The following PSD variants were observed in gnomAD, a reference collection of about 807,000 sequenced individuals.
PSD encodes the protein pleckstrin and Sec7 domain containing.
PSD carries 32 observed loss-of-function variants against 91.6 expected under a neutral mutation model. The ratio of observed to expected loss-of-function variants is 0.35; its 90% CI spans 0.26 to 0.47. The LOEUF (loss-of-function observed/expected upper bound fraction) is 0.47. Among genes scored for constraint, PSD ranks in the 20% least tolerant of loss-of-function variants. PSD has a pLI of 1.00. For synonymous variants in PSD, 532 were observed against 569.3 expected, an observed-to-expected ratio of 0.93 and a Z score of 0.93; for missense variants, 1,099 against 1,373.9, an observed-to-expected ratio of 0.80 and a Z score of 3.16.
chr10:102,417,523 C>G (rs1478710256), intron 1 of PSD, among the ~76,000 whole-genome samples: 1 of 152,046 alleles, frequency 6.6e-6, no homozygotes, highest in African/African-American at 2.4e-5. Flanking sequence ...CCTATAGTCT[C>G]TCTTATGGAG....
chr10:102,419,463 G>C (rs556494056), upstream of PSD: 1 of 152,870 alleles, frequency 6.5e-6, no homozygotes, highest in Non-Finnish European at 1.5e-5. This position sits in a 1 kb window ranked among gnomAD's most constrained non-coding sequence, Gnocchi z 4.8. Context: ...GTGGGGGACC[G>C]GCAACCCTTG....
chr10:102,404,718 C>T lies in PSD; in HGVS notation c.2565G>A (p.Glu855=). 6.4e-7 allele frequency: 1 copy of T among 1,574,390 alleles called. No homozygotes were observed. The highest frequency in any genetic ancestry group is 1.7e-4 in the Middle Eastern group (1 of 5,882). The part of the protein sequence containing the change: ...RVFLFQAPSL[E]QMQSWITRIN... ...TGCGAGTGATCCAGGACTGCATCTGCTCCAGGCTCCTGGGGAGAAAGCACA... is the reference window on the plus strand; with the variant it reads ...TGCGAGTGATCCAGGACTGCATCTGTTCCAGGCTCCTGGGGAGAAAGCACA... The change falls in exon 15 of 17, where the codon GAG becomes GAA. Residue 855 remains glutamate, a synonymous_variant. Coordinates refer to ENST00000020673, the MANE Select transcript of PSD (RefSeq NM_002779.5). This position sits in a 1 kb window ranked among gnomAD's most constrained non-coding sequence, Gnocchi z 5.7.
In PSD at chr10:102,416,825, C is replaced by A. The variant is rs768457694; in HGVS notation, c.214G>T (p.Gly72Cys). 1 of 1,598,296 alleles carries A rather than the reference C, an allele frequency of 6.3e-7. No homozygotes were observed. Among genetic ancestry groups the A allele is most frequent in the Non-Finnish European group, 8.5e-7 (1 of 1,172,096 alleles). Residue 72 changes from glycine to cysteine, a missense_variant, in exon 2 of 17, where the codon GGC (glycine) becomes TGC (cysteine). Gly to Cys is a radical substitution (Grantham distance 159, BLOSUM62 -3). Coordinates refer to ENST00000020673, the MANE Select transcript of PSD (RefSeq NM_002779.5). The surrounding 1 kb of genome is among the most constrained non-coding windows in gnomAD (Gnocchi z 6.0). ...GGAGCAACACGGGGTGAGGGGGGGC[C>A]ACGCAGAGGTGTACAGGGTGCTGTC... The part of the protein sequence containing the change: ...RVTAPCTPLR[G>C]PPSPRVAPSP...
Position 102,415,101 on chromosome 10 carries a change from A to G in PSD, c.886T>C (p.Tyr296His), listed in dbSNP as rs1383535872. The change falls in exon 4 of 17, where the codon TAC (tyrosine) becomes CAC (histidine). Residue 296 changes from tyrosine to histidine, a missense_variant. Physicochemically the swap from Tyr to His is moderately conservative, Grantham distance 83 (BLOSUM62 2). Transcript: ENST00000020673. ...ACCTCATCGATGTCAGTCTCGCGGT[A>G]GCACCTCAGGGGCACCGTGTCCAGG... ...TDLDTVPLRC[Y>H]RETDIDEVLA... 2 of 1,613,958 alleles carry G rather than the reference A, an allele frequency of 1.2e-6. No individual in the cohort carries two copies. The highest frequency in any genetic ancestry group is 2.2e-5 in the East Asian group (1 of 44,892).
In PSD at chr10:102,414,915, C is replaced by T; in HGVS notation, c.1072G>A (p.Gly358Ser). 6.6e-7 allele frequency: 1 copy of T among 1,517,148 alleles called. No individual in the cohort carries two copies. The highest frequency in any genetic ancestry group is 8.9e-7 in the Non-Finnish European group (1 of 1,129,498). The allele number at this position is 1,517,148 out of a possible 1,614,324, so 94.0% of individuals were successfully genotyped here. ...GNEDEDDDEAGGEEDVDDEVF... is the reference protein window; with the variant it reads ...GNEDEDDDEASGEEDVDDEVF... ...TCGTCGTCCACATCTTCTTCCCCACCTGCCTCATCGTCGTCCTCATCCTCA... is the reference window on the plus strand; with the variant it reads ...TCGTCGTCCACATCTTCTTCCCCACTTGCCTCATCGTCGTCCTCATCCTCA... Residue 358 changes from glycine to serine, a missense_variant, in exon 4 of 17, where the codon GGT becomes AGT. Gly to Ser is a moderately conservative substitution (Grantham distance 56, BLOSUM62 0). Around this residue, in one of 3 missense-constraint regions of PSD, gnomAD observed 631 missense variants for 728.8 expected, o/e 0.87. Coordinates refer to ENST00000020673, the MANE Select transcript of PSD (RefSeq NM_002779.5). This position sits in a 1 kb window ranked among gnomAD's most constrained non-coding sequence, Gnocchi z 5.6.
At chr10:102,406,510 T>A (rs1296411776) in intron 11 of PSD, among the ~76,000 whole-genome samples, 2 of 146,062 alleles carry the variant, frequency 1.4e-5, no homozygotes, top group Non-Finnish European at 3.0e-5. Flanking sequence ...TCTTTTTTCT[T>A]TTTTTTTTTT....
At chr10:102,415,937 G>T in intron 3 of PSD, 80 bp downstream of exon 3, 2 of 1,079,636 alleles carry the variant, frequency 1.9e-6, no homozygotes, top group Non-Finnish European at 2.7e-6. Context: ...GGGGAAGTTT[G>T]AAGGAGGGCT....
chr10:102,410,941 C>G lies in PSD; in HGVS notation c.2008G>C (p.Gly670Arg), dbSNP rs372177340. ...AAGTCCCCGCAGGTCATGCGCTTCC[C>G]GATGTTCTAAGGAAGGGAACGGAGG... Reference protein sequence around the residue: ...LNTDLHGHNIGKRMTCGDFIG... With the variant: ...LNTDLHGHNIRKRMTCGDFIG... Residue 670 changes from glycine to arginine, a missense_variant, in exon 10 of 17, where the codon GGG (glycine) becomes CGG (arginine). By Grantham distance (125) the Gly-to-Arg change is moderately radical. Transcript: ENST00000020673. This position sits in a 1 kb window ranked among gnomAD's most constrained non-coding sequence, Gnocchi z 6.0. 1.2e-6 allele frequency: 2 copies of G among 1,613,720 alleles called. No homozygotes were observed. The highest frequency in any genetic ancestry group is 2.2e-5 in the East Asian group (1 of 44,880).
In PSD at chr10:102,416,222, A is replaced by C; in HGVS notation, c.655-103T>G. ...GAAATTAAAACATGCATCGACAGAG[A>C]TGGAGGTTCAGAGACACAGAGACAA... On this transcript the variant is annotated intron_variant, in intron 2 of 16. Coordinates refer to ENST00000020673, the MANE Select transcript of PSD (RefSeq NM_002779.5). The surrounding 1 kb of genome is among the most constrained non-coding windows in gnomAD (Gnocchi z 6.0). 2 of 1,195,232 alleles carry C rather than the reference A, an allele frequency of 1.7e-6. No individual in the cohort carries two copies. The allele number at this position is 1,195,232 out of a possible 1,614,324, so 74.0% of individuals were successfully genotyped here.
Position 102,416,189 on chromosome 10 carries a change from C to T in PSD, c.655-70G>A. 7.7e-7 allele frequency: 1 copy of T among 1,306,396 alleles called. No individual in the cohort carries two copies. The highest frequency in any genetic ancestry group is 1.3e-5 in the South Asian group (1 of 76,022). The allele number at this position is 1,306,396 out of a possible 1,614,324, so 80.9% of individuals were successfully genotyped here. ...CATACAAGGACACAAGAATATGGGA[C>T]AGAAACAGAAATTAAAACATGCATC... On this transcript the variant is annotated intron_variant, in intron 2 of 16. Transcript: ENST00000020673. This position sits in a 1 kb window ranked among gnomAD's most constrained non-coding sequence, Gnocchi z 6.0.
Position 102,403,483 on chromosome 10 carries a change from C to T in PSD, c.2845-53G>A. On this transcript the variant is annotated intron_variant, in intron 16 of 16. Coordinates refer to ENST00000020673, the MANE Select transcript of PSD (RefSeq NM_002779.5). The surrounding 1 kb of genome is among the most constrained non-coding windows in gnomAD (Gnocchi z 6.7). The stretch of plus-strand genomic sequence containing the variant: ...AGCCTCTTCTCTGCCTTCTGCCCAC[C>T]CCACCATCTGGACCAGGGAGGGCCG... The T allele has an allele frequency of 6.6e-7, 1 of 1,508,850 alleles. No homozygotes were observed. Among genetic ancestry groups the T allele is most frequent in the South Asian group, 1.2e-5 (1 of 80,486 alleles). The allele number at this position is 1,508,850 out of a possible 1,614,324, so 93.5% of individuals were successfully genotyped here.
chr10:102,416,674 C>T lies in PSD; in HGVS notation c.365G>A (p.Gly122Asp). Residue 122 changes from glycine (G) to aspartate (D), a missense_variant, in exon 2 of 17, where the codon GGC (glycine) becomes GAC (aspartate). Around this residue, in one of 3 missense-constraint regions of PSD, gnomAD observed 631 missense variants for 728.8 expected, o/e 0.87. Transcript: ENST00000020673. The surrounding 1 kb of genome is among the most constrained non-coding windows in gnomAD (Gnocchi z 6.0). Reference protein sequence around the residue: ...RPLNGLPAPGGLSRSWDLGGV... With the variant: ...RPLNGLPAPGDLSRSWDLGGV... ...ACCCAGATCCCAGCTCCGACTCAAG[C>T]CCCCTGGAGCAGGTAGCCCATTCAG... The T allele has an allele frequency of 1.2e-6, 2 of 1,609,362 alleles. No individual in the cohort carries two copies. Among genetic ancestry groups the T allele is most frequent in the Non-Finnish European group, 1.7e-6 (2 of 1,178,124 alleles).
rs747969446 is a variant in PSD, at chr10:102,417,003, G to T, written c.36C>A (p.Gly12=). 1 of 1,590,024 alleles carries T rather than the reference G, an allele frequency of 6.3e-7. No homozygotes were observed. The highest frequency in any genetic ancestry group is 8.5e-7 in the Non-Finnish European group (1 of 1,175,826). ...ATCGTGGTGGGGAGATGGCACAGTC[G>T]CCTTCCGAGCAGAAGCGCATGGCAC... is the stretch of plus-strand genomic sequence containing the variant. The part of the protein sequence containing the change: ...AQGAMRFCSE[G]DCAISPPRCP... Residue 12 remains glycine, a synonymous_variant, in exon 2 of 17, where the codon GGC becomes GGA. Transcript: ENST00000020673.
chr10:102,408,928 G>A, intron 10 of PSD: 1 of 987,542 alleles, frequency 1.0e-6, no homozygotes, highest in Non-Finnish European at 1.2e-6. Context: ...GCAGGCGGCT[G>A]ACCACCAGGT....
intron 10 of PSD, chr10:102,408,955 C>A: frequency 1.0e-6 from 1 of 985,194 alleles, no homozygotes; most frequent in African/African-American, 1.8e-5. Flanking sequence ...AGAGCACGGG[C>A]TTGAGGCTGC....
rs1014729379 is a variant in PSD at position 102,410,570 on chromosome 10, G to C, written c.2091+288C>G. Among the ~76,000 whole-genome samples the C allele has an allele frequency of 2.0e-5, 3 of 152,348 alleles. No homozygotes were observed. The highest frequency in any genetic ancestry group is 4.4e-5 in the Non-Finnish European group (3 of 68,014). On this transcript the variant is annotated intron_variant, in intron 10 of 16. Coordinates refer to ENST00000020673, the MANE Select transcript of PSD (RefSeq NM_002779.5). This position sits in a 1 kb window ranked among gnomAD's most constrained non-coding sequence, Gnocchi z 6.0. ...CGCACACTGGAGGAGGGGAACTGAA[G>C]GCAAACGCAGGGGCCGGGGCCGCCT... is the stretch of plus-strand genomic sequence containing the variant.
In PSD at chr10:102,410,374, C is replaced by G. The variant is rs756008997; in HGVS notation, c.2091+484G>C. On this transcript the variant is annotated intron_variant, in intron 10 of 16. Transcript: ENST00000020673. The surrounding 1 kb of genome is among the most constrained non-coding windows in gnomAD (Gnocchi z 6.0). The stretch of plus-strand genomic sequence containing the variant: ...GCTTTGCGCTAACTCGCTGCCAGAC[C>G]TTGGAAAAGCTTAGTCCCTCTCAGG... Among the ~76,000 whole-genome samples the G allele has an allele frequency of 6.6e-6, 1 of 152,232 alleles. No individual in the cohort carries two copies. Among genetic ancestry groups the G allele is most frequent in the Non-Finnish European group, 1.5e-5 (1 of 68,032 alleles).
chr10:102,416,225 G>C lies in PSD; in HGVS notation c.655-106C>G. ...ATTAAAACATGCATCGACAGAGATG[G>C]AGGTTCAGAGACACAGAGACAAACA... On this transcript the variant is annotated intron_variant, in intron 2 of 16. Coordinates refer to ENST00000020673, the MANE Select transcript of PSD (RefSeq NM_002779.5). The surrounding 1 kb of genome is among the most constrained non-coding windows in gnomAD (Gnocchi z 6.0). 8.4e-7 allele frequency: 1 copy of C among 1,186,118 alleles called. No individual in the cohort carries two copies. Among genetic ancestry groups the C allele is most frequent in the Non-Finnish European group, 1.2e-6 (1 of 831,074 alleles). 73.5% of individuals were successfully genotyped at this position (1,186,118 alleles called of 1,614,324 possible). A position where few individuals can be genotyped will look rare whatever the true frequency, so the allele number is the denominator to read the frequency against.
Position 102,404,513 on chromosome 10 carries a change from C to G in PSD, c.2700+70G>C. 6.5e-7 allele frequency: 1 copy of G among 1,540,396 alleles called. No individual in the cohort carries two copies. The highest frequency in any genetic ancestry group is 8.8e-7 in the Non-Finnish European group (1 of 1,138,292). On this transcript the variant is annotated intron_variant, in intron 15 of 16. Transcript: ENST00000020673. The surrounding 1 kb of genome is among the most constrained non-coding windows in gnomAD (Gnocchi z 5.7). The stretch of plus-strand genomic sequence containing the variant: ...CATCTCCACGATCACACGCAGCAGC[C>G]TTGAGTGCAGTGGGCCTGAGCCTAA...
Sources: gnomAD v4.1 joint callset for allele counts (sites outside exome capture counted in the v4.1 genomes callset) on GRCh38, gnomAD v4.1.1 for gene constraint, gnomAD v4.1.1 regional missense constraint, Gnocchi (gnomAD v3.1) non-coding constraint, MANE v1.5 for transcripts, NCBI Gene and HGNC (gene_info 2026-07-23, HGNC 2026-07-21) for gene names.